The following PRRG1 variants were observed in gnomAD, a reference collection of about 807,000 sequenced individuals.
The protein encoded by PRRG1 is transmembrane gamma-carboxyglutamic acid protein 1.
Under a neutral mutation model 11.8 loss-of-function variants are expected in PRRG1, and 5 were observed. That is an observed-to-expected ratio of 0.42 (90% CI 0.22 to 0.89). The LOEUF (loss-of-function observed/expected upper bound fraction) is 0.89. PRRG1 is among the 40% of genes least tolerant of loss of function. PRRG1 has a pLI of 0.28. For missense variants in PRRG1, 155 were observed against 166.1 expected, an observed-to-expected ratio of 0.93 and a Z score of 0.37; for synonymous variants, 66 against 60.4, an observed-to-expected ratio of 1.09 and a Z score of -0.43.
chrX:37,428,574 A>T (rs1556389040), intron 3 of PRRG1, among the ~76,000 whole-genome samples: 1 of 111,811 alleles, frequency 8.9e-6, no homozygotes, highest in African/African-American at 3.3e-5. Context: ...GTCTTGAGCA[A>T]CTCTGCCCCT....
intron 1 of PRRG1, among the ~76,000 whole-genome samples, chrX:37,392,332 G>A (rs782249749): frequency 1.8e-5 from 2 of 109,496 alleles, no homozygotes; most frequent in African/African-American, 6.6e-5. Flanking sequence ...GCTTTTTACT[G>A]AAAAAGCCAA....
At chrX:37,400,567 A>G (rs1294837291) in intron 1 of PRRG1, among the ~76,000 whole-genome samples, 1 of 111,760 alleles carries the variant, frequency 8.9e-6, no homozygotes, top group Non-Finnish European at 1.9e-5. Flanking sequence ...ATCACAATTA[A>G]AAGAACTAGA....
intron 1 of PRRG1, among the ~76,000 whole-genome samples, chrX:37,385,466 C>A (rs1180106007): frequency 9.2e-6 from 1 of 109,074 alleles, no homozygotes; most frequent in African/African-American, 3.4e-5. Flanking sequence ...GTATACTTTT[C>A]TGTATGTATG....
chrX:37,425,530 T>TAATGAGTATAAG (rs782208261), intron 2 of PRRG1, among the ~76,000 whole-genome samples: 116 of 112,272 alleles, frequency 1.0e-3, no homozygotes, highest in African/African-American at 3.5e-3. Flanking sequence ...CTACTTACAG[T>TAATGAGTATAAG]AATGAGTATA....
chrX:37,376,548 AGT>A (rs200657576), intron 1 of PRRG1, among the ~76,000 whole-genome samples: 78 of 1,263 alleles, frequency 0.062, 3 homozygotes, highest in African/African-American at 0.25. Flanking sequence ...CAGAAATGTG[AGT>A]GTATATATAT....
intron 3 of PRRG1, among the ~76,000 whole-genome samples, chrX:37,428,188 G>A (rs533476496): frequency 2.6e-4 from 29 of 110,250 alleles, no homozygotes; most frequent in Non-Finnish European, 4.4e-4. Context: ...ATTCTGCCCC[G>A]GCCCCTCCAA....
chrX:37,400,801 T>C (rs1556380016), intron 1 of PRRG1, among the ~76,000 whole-genome samples: 3 of 111,008 alleles, frequency 2.7e-5, no homozygotes, highest in African/African-American at 6.6e-5. Flanking sequence ...ATAAAGGGAA[T>C]ATCACCACCA....
Position 37,433,974 on chromosome X carries a change from C to G in PRRG1, c.171+7974C>G, listed in dbSNP as rs149524216. On this transcript the variant is annotated intron_variant, in intron 3 of 3. Transcript: ENST00000378628. ...TGGCATTCTCATTTTTTATCTGTTT[C>G]AGAACAATGTTTGTTATCTGTTAAT... is the stretch of plus-strand genomic sequence containing the variant. Among the ~76,000 whole-genome samples, 441 of 112,076 alleles carry G rather than the reference C, an allele frequency of 3.9e-3. 1 individual carries two copies. Among genetic ancestry groups the G allele is most frequent in the African/African-American group, 0.014 (424 of 30,863 alleles).
chrX:37,356,671 A>G (rs1384700915), intron 1 of PRRG1, among the ~76,000 whole-genome samples: 1 of 111,021 alleles, frequency 9.0e-6, no homozygotes, highest in Non-Finnish European at 1.9e-5. Flanking sequence ...GTAAACAGGA[A>G]ACTCTAGGAA....
intron 3 of PRRG1, among the ~76,000 whole-genome samples, chrX:37,443,543 G>C (rs2146631573): frequency 9.0e-6 from 1 of 111,552 alleles, no homozygotes; most frequent in Admixed American, 9.5e-5. Context: ...TAACATTTAG[G>C]GTATAGTTGA....
intron 3 of PRRG1, among the ~76,000 whole-genome samples, chrX:37,430,198 G>T (rs1753869226): frequency 9.0e-6 from 1 of 111,543 alleles, no homozygotes; most frequent in African/African-American, 3.3e-5. Context: ...CTGGGAACTA[G>T]AATATGCTCA....
At chrX:37,428,974 C>T (rs1195390514) in intron 3 of PRRG1, among the ~76,000 whole-genome samples, 3 of 112,725 alleles carry the variant, frequency 2.7e-5, no homozygotes, top group Admixed American at 9.3e-5. Context: ...GGCTGGCACC[C>T]TCTGAAACCA....
chrX:37,406,779 G>C (rs894040876), intron 2 of PRRG1, among the ~76,000 whole-genome samples: 5 of 111,352 alleles, frequency 4.5e-5, no homozygotes, highest in African/African-American at 1.6e-4. Flanking sequence ...TCATAAGGCT[G>C]TTTATGGGCA....
intron 3 of PRRG1, among the ~76,000 whole-genome samples, chrX:37,443,076 G>T (rs1449524056): frequency 8.9e-6 from 1 of 112,005 alleles, no homozygotes; most frequent in Non-Finnish European, 1.9e-5. Flanking sequence ...TGCAGAACAG[G>T]TAGAGCCATT....
chrX:37,427,108 T>C (rs1363989453), intron 3 of PRRG1, among the ~76,000 whole-genome samples: 1 of 112,053 alleles, frequency 8.9e-6, no homozygotes, highest in East Asian at 2.8e-4. Context: ...GTTTTTGATA[T>C]TGTGTTTTAT....
rs1332641734 is a variant in PRRG1, at chrX:37,456,385, C to T, written c.*2764C>T. On this transcript the variant is annotated 3_prime_UTR_variant, in exon 4 of 4. Coordinates refer to ENST00000378628, the MANE Select transcript of PRRG1 (RefSeq NM_001142395.2). ...TGGATATAATGCTGCTTTTTAGAGACACCTAAATTGCAGTATCAGAATGAA... is the reference window on the plus strand; with the variant it reads ...TGGATATAATGCTGCTTTTTAGAGATACCTAAATTGCAGTATCAGAATGAA... The T allele has an allele frequency of 3.6e-5, 4 of 112,310 alleles. No individual in the cohort carries two copies. Among genetic ancestry groups the T allele is most frequent in the Non-Finnish European group, 5.6e-5 (3 of 53,269 alleles). The allele number at this position is 112,310 out of a possible 1,213,427, so 9.3% of individuals were successfully genotyped here. A position where few individuals can be genotyped will look rare whatever the true frequency, so the allele number is the denominator to read the frequency against.
chrX:37,423,608 A>G lies in PRRG1; in HGVS notation c.11-2232A>G, dbSNP rs1556387640. Among the ~76,000 whole-genome samples, 5 of 110,272 alleles carry G rather than the reference A, an allele frequency of 4.5e-5. No homozygotes were observed. The South Asian group carries it at 1.2e-3, about 26-fold the overall frequency. ...GGTCTCGAACTCCTGGGCTCAAGCAATCCTCCCACCTCAGCCTCCCAAAGT... is the reference window on the plus strand; with the variant it reads ...GGTCTCGAACTCCTGGGCTCAAGCAGTCCTCCCACCTCAGCCTCCCAAAGT... On this transcript the variant is annotated intron_variant, in intron 2 of 3. Transcript: ENST00000378628.
intron 1 of PRRG1, among the ~76,000 whole-genome samples, chrX:37,371,987 G>A (rs1556370913): frequency 8.8e-6 from 1 of 113,020 alleles, no homozygotes; most frequent in East Asian, 2.8e-4. Context: ...AACACCACAA[G>A]AATCCTGTGA....
chrX:37,385,506 A>G (rs182878785), intron 1 of PRRG1, among the ~76,000 whole-genome samples: 5 of 110,512 alleles, frequency 4.5e-5, no homozygotes, highest in Non-Finnish European at 9.4e-5. Flanking sequence ...TATATATAAT[A>G]TAATTTTACA....
Sources: gnomAD v4.1 joint callset for allele counts (sites outside exome capture counted in the v4.1 genomes callset) on GRCh38, gnomAD v4.1.1 for gene constraint, MANE v1.5 for transcripts, NCBI Gene and HGNC (gene_info 2026-07-23, HGNC 2026-07-21) for gene names.